Variants in IMPG1 observed in about 807,000 individuals in gnomAD.
The protein encoded by IMPG1 is interphotoreceptor matrix proteoglycan of 150 kDa.
A neutral mutation model predicts 92.0 loss-of-function variants in IMPG1; 85 were observed. The ratio of observed to expected loss-of-function variants is 0.92; its 90% CI spans 0.78 to 1.11. The LOEUF (loss-of-function observed/expected upper bound fraction) is 1.11, where lower values mean the gene tolerates loss of function less well. Ranked by LOEUF, IMPG1 falls within the 50% of genes least tolerant of loss-of-function variation. The pLI, the probability that IMPG1 is intolerant of heterozygous loss-of-function variation, is 0.00. For missense variants in IMPG1, 1,022 were observed against 956.0 expected (o/e 1.07, Z -0.91); for synonymous variants, 367 against 334.1 (o/e 1.10, Z -1.08).
At chr6:76,068,192 A>T (rs2127599134) in intron 1 of IMPG1, among the ~76,000 whole-genome samples, 1 of 152,214 alleles carries the variant, frequency 6.6e-6, no homozygotes, top group East Asian at 1.9e-4. Flanking sequence ...AGCCAGAGTA[A>T]TCAGGCAAAA....
At chr6:75,945,387 T>C (rs1781909755) in intron 14 of IMPG1, among the ~76,000 whole-genome samples, 1 of 150,752 alleles carries the variant, frequency 6.6e-6, no homozygotes, top group Non-Finnish European at 1.5e-5. Context: ...AGTCTCTCTG[T>C]TGCCCAGGCT....
chr6:76,011,085 T>A, intron 8 of IMPG1, 81 bp downstream of exon 8: 1 of 780,160 alleles, frequency 1.3e-6, no homozygotes, highest in Non-Finnish European at 2.2e-6. Flanking sequence ...AAGGACCTTA[T>A]AATCCTTATG....
chr6:76,061,004 C>A (rs1465843157), intron 1 of IMPG1, among the ~76,000 whole-genome samples: 2 of 151,958 alleles, frequency 1.3e-5, no homozygotes, highest in African/African-American at 2.4e-5. Flanking sequence ...TATAGAGAAT[C>A]TGAATTTCCA....
chr6:76,062,181 G>T (rs1373646413), intron 1 of IMPG1, among the ~76,000 whole-genome samples: 1 of 152,130 alleles, frequency 6.6e-6, no homozygotes. Flanking sequence ...TGTTTACATT[G>T]CTTTGACTCA....
At chr6:76,005,843 TA>T (rs1196367133) in intron 9 of IMPG1, among the ~76,000 whole-genome samples, 1 of 151,820 alleles carries the variant, frequency 6.6e-6, no homozygotes, top group African/African-American at 2.4e-5. Context: ...TTCTTTCTTT[TA>T]TTTTTTTTTT....
chr6:75,967,263 G>A (rs565609207), intron 12 of IMPG1, among the ~76,000 whole-genome samples: 1 of 152,262 alleles, frequency 6.6e-6, no homozygotes, highest in East Asian at 1.9e-4. Flanking sequence ...CCCTTGCTAT[G>A]GTCTGAATGT....
intron 12 of IMPG1, among the ~76,000 whole-genome samples, chr6:75,962,497 A>T (rs1782226672): frequency 6.6e-6 from 1 of 152,062 alleles, no homozygotes; most frequent in Non-Finnish European, 1.5e-5. Flanking sequence ...ACCTGACAAA[A>T]CTACTGGATG....
chr6:76,044,212 T>A (rs1783893989), intron 1 of IMPG1, among the ~76,000 whole-genome samples: 1 of 152,156 alleles, frequency 6.6e-6, no homozygotes, highest in Non-Finnish European at 1.5e-5. Context: ...GTTAGTAAAA[T>A]GTGAATTTTT....
intron 12 of IMPG1, among the ~76,000 whole-genome samples, chr6:75,963,429 A>T (rs1782241280): frequency 6.7e-6 from 1 of 150,188 alleles, no homozygotes; most frequent in Non-Finnish European, 1.5e-5. Flanking sequence ...TGATTTTGTT[A>T]ATATGATTTG....
intron 14 of IMPG1, among the ~76,000 whole-genome samples, chr6:75,939,444 T>G (rs1392746452): frequency 6.6e-6 from 1 of 152,078 alleles, no homozygotes; most frequent in African/African-American, 2.4e-5. Flanking sequence ...AGTGAGAATA[T>G]GTGGTGTTTG....
At chr6:76,004,117 G>C (rs148533120) in intron 10 of IMPG1, among the ~76,000 whole-genome samples, 167 bp from the exon 11 acceptor site, 1 of 152,294 alleles carries the variant, frequency 6.6e-6, no homozygotes, top group Non-Finnish European at 1.5e-5. Flanking sequence ...TAATCTGAAT[G>C]ATATATTGAA....
At chr6:75,980,239 T>A (rs986580264) in intron 12 of IMPG1, among the ~76,000 whole-genome samples, 3 of 152,240 alleles carry the variant, frequency 2.0e-5, no homozygotes, top group Non-Finnish European at 2.9e-5. Flanking sequence ...CCATCCTGAT[T>A]TACTGTAAAT....
At chr6:75,954,312 G>T (rs1782081686) in intron 12 of IMPG1, among the ~76,000 whole-genome samples, 1 of 152,142 alleles carries the variant, frequency 6.6e-6, no homozygotes, top group South Asian at 2.1e-4. Flanking sequence ...ATTCTAACTG[G>T]TGTGAGATGG....
At chr6:75,933,776 T>C (rs1781698463) in intron 14 of IMPG1, among the ~76,000 whole-genome samples, 2 of 152,216 alleles carry the variant, frequency 1.3e-5, no homozygotes, top group African/African-American at 4.8e-5. Flanking sequence ...AGGGCAGTTA[T>C]TTACATAAAC....
At chr6:75,923,804 A>T (rs1468555966) in intron 15 of IMPG1, 98 bp from the exon 16 acceptor site, 1 of 678,910 alleles carries the variant, frequency 1.5e-6, no homozygotes, top group Non-Finnish European at 2.5e-6. Context: ...ACATCATGAC[A>T]AGTGAAAATA....
At chr6:75,922,296 T>G (rs1299066342) in intron 16 of IMPG1, 130 bp from the exon 17 acceptor site, 3 of 571,316 alleles carry the variant, frequency 5.3e-6, no homozygotes, top group Non-Finnish European at 9.4e-6. Context: ...TTTGAAATGT[T>G]GAAGATGGCC....
chr6:75,962,317 G>A (rs1782224213), intron 12 of IMPG1, among the ~76,000 whole-genome samples: 1 of 151,818 alleles, frequency 6.6e-6, no homozygotes, highest in South Asian at 2.1e-4. Flanking sequence ...GTAGAAATGG[G>A]GGTCTCTCGA....
chr6:76,044,932 G>C (rs1044137351), intron 1 of IMPG1, among the ~76,000 whole-genome samples: 3 of 152,146 alleles, frequency 2.0e-5, no homozygotes, highest in Non-Finnish European at 4.4e-5. Context: ...AGAAGCAGGG[G>C]CGAGAAGGTC....
chr6:75,943,111 G>A (rs1225790341), intron 14 of IMPG1, among the ~76,000 whole-genome samples: 1 of 152,170 alleles, frequency 6.6e-6, no homozygotes, highest in Non-Finnish European at 1.5e-5. Flanking sequence ...AAAAGGAGGT[G>A]TGAGTGAGGG....
Sources: allele counts gnomAD v4.1 joint callset (sites outside exome capture counted in the v4.1 genomes callset), GRCh38; gene constraint gnomAD v4.1.1; transcripts MANE v1.5; gene names NCBI Gene and HGNC (gene_info 2026-07-23, HGNC 2026-07-21).